The following RBM25 variants were observed in gnomAD, a reference collection of about 807,000 sequenced individuals.
RBM25 encodes the protein RNA-binding protein 25.
RBM25 carries 19 observed loss-of-function variants against 120.7 expected under a neutral mutation model. The observed-to-expected ratio is 0.16, with a 90% CI of 0.11 to 0.23. The LOEUF (loss-of-function observed/expected upper bound fraction) is 0.23. RBM25 is among the 10% of genes least tolerant of loss of function. The pLI is 1.00. For missense variants in RBM25, 605 were observed against 1,041.5 expected, an observed-to-expected ratio of 0.58 and a Z score of 5.77; for synonymous variants, 390 against 326.7, an observed-to-expected ratio of 1.19 and a Z score of -2.09.
rs781734604 is a variant in RBM25 at position 73,061,823 on chromosome 14, C to T, written c.-16+3118C>T. 1.6e-4 allele frequency among the ~76,000 whole-genome samples: 24 copies of T among 151,452 alleles called. 1 individual carries two copies. The highest frequency in any genetic ancestry group is 3.1e-4 in the Non-Finnish European group (21 of 67,586). Reference sequence around the variant, plus strand: ...TCAAAGGATCCACCTGCCTCGTCCTCCCAAAGTGCTGGGATTACAGGTATG... The same window carrying T: ...TCAAAGGATCCACCTGCCTCGTCCTTCCAAAGTGCTGGGATTACAGGTATG... On this transcript the variant is annotated intron_variant, in intron 1 of 18. Coordinates refer to ENST00000261973, the MANE Select transcript of RBM25 (RefSeq NM_021239.3).
chr14:73,121,125 G>A lies in RBM25; in HGVS notation c.*1320G>A, dbSNP rs1896533740. 6.6e-6 allele frequency: 1 copy of A among 152,102 alleles called. No homozygotes were observed. The highest frequency in any genetic ancestry group is 1.9e-4 in the East Asian group (1 of 5,190). 9.4% of individuals were successfully genotyped at this position (152,102 alleles called of 1,614,324 possible). On this transcript the variant is annotated 3_prime_UTR_variant, in exon 19 of 19. Coordinates refer to ENST00000261973, the MANE Select transcript of RBM25 (RefSeq NM_021239.3). The stretch of plus-strand genomic sequence containing the variant: ...ATTAGATGCAACTGTTCCCATGTCT[G>A]AGTACTTATTTAAAAGAAAGGTAAA...
intron 10 of RBM25, among the ~76,000 whole-genome samples, chr14:73,103,745 G>A (rs889682014): frequency 1.3e-5 from 2 of 151,870 alleles, no homozygotes; most frequent in South Asian, 2.1e-4. Context: ...GTAGAGATGG[G>A]GTTTTGCCAT....
chr14:73,087,229 T>C (rs916063046), intron 5 of RBM25, among the ~76,000 whole-genome samples: 8 of 152,322 alleles, frequency 5.3e-5, no homozygotes, highest in Admixed American at 2.6e-4. Context: ...TGACTAGTTA[T>C]AAAAGGAAAT....
chr14:73,100,501 A>G, intron 9 of RBM25: 1 of 484,372 alleles, frequency 2.1e-6, no homozygotes, highest in Non-Finnish European at 3.7e-6. Context: ...AGCTTCTCTC[A>G]ATGACAGTGC....
At chr14:73,084,001 A>G (rs1379423445) in intron 5 of RBM25, among the ~76,000 whole-genome samples, 4 of 151,266 alleles carry the variant, frequency 2.6e-5, no homozygotes, top group African/African-American at 9.7e-5. Context: ...GGGTTGGAGC[A>G]GTTCTCCTGC....
At chr14:73,066,914 T>C (rs2140422629) in intron 1 of RBM25, among the ~76,000 whole-genome samples, 1 of 152,166 alleles carries the variant, frequency 6.6e-6, no homozygotes, top group Non-Finnish European at 1.5e-5. Context: ...AAGAGTATAT[T>C]TTACTTATGA....
chr14:73,083,067 G>A (rs935281373), intron 4 of RBM25, among the ~76,000 whole-genome samples: 3 of 151,934 alleles, frequency 2.0e-5, no homozygotes, highest in Non-Finnish European at 2.9e-5. Context: ...GTGACAGAGC[G>A]AGACTCCGTC....
rs1230263947 is a variant in RBM25 at position 73,122,140 on chromosome 14, G to A, written c.*2335G>A. 6.6e-6 allele frequency: 1 copy of A among 152,100 alleles called. No individual in the cohort carries two copies. The highest frequency in any genetic ancestry group is 1.5e-5 in the Non-Finnish European group (1 of 68,012). 9.4% of individuals were successfully genotyped at this position (152,100 alleles called of 1,614,324 possible). On this transcript the variant is annotated 3_prime_UTR_variant, in exon 19 of 19. Coordinates refer to ENST00000261973, the MANE Select transcript of RBM25 (RefSeq NM_021239.3). ...ACACATAAGAAATTTCTATTAAGTT[G>A]CTTGAACTTTGTGGGTTAATTTTAC...
intron 18 of RBM25, among the ~76,000 whole-genome samples, chr14:73,117,921 A>G (rs1896469016): frequency 6.6e-6 from 1 of 152,124 alleles, no homozygotes; most frequent in African/African-American, 2.4e-5. Flanking sequence ...CATAGCAGCC[A>G]TAATGTAGAG....
At chr14:73,073,425 C>G (rs888597267) in intron 2 of RBM25, among the ~76,000 whole-genome samples, 1 of 152,198 alleles carries the variant, frequency 6.6e-6, no homozygotes, top group African/African-American at 2.4e-5. Context: ...CAGTGGCTCA[C>G]GCCTGTAACC....
At chr14:73,105,447 A>G (rs975856704) in intron 10 of RBM25, among the ~76,000 whole-genome samples, 1 of 152,220 alleles carries the variant, frequency 6.6e-6, no homozygotes, top group Non-Finnish European at 1.5e-5. Context: ...CTTGATCTCT[A>G]GTAAGCTAAA....
At chr14:73,103,901 GTCTGTCTCTCTCTCTCTCTCTC>G (rs1896106965) in intron 10 of RBM25, among the ~76,000 whole-genome samples, 1 of 71,560 alleles carries the variant, frequency 1.4e-5, no homozygotes, top group African/African-American at 6.3e-5. Context: ...CTGTCTGTCT[GTCTGTCTCTCTCTCTCTCTCTC>G]TCTCTCTCTC....
At chr14:73,073,899 TACTG>T (rs1180153203) in intron 2 of RBM25, among the ~76,000 whole-genome samples, 3 of 152,328 alleles carry the variant, frequency 2.0e-5, no homozygotes, top group African/African-American at 7.2e-5. Context: ...ATGTAACAAT[TACTG>T]ATTTTAAGTA....
chr14:73,105,986 G>C lies in RBM25; in HGVS notation c.1282G>C (p.Asp428His). 1 of 1,613,526 alleles carries C rather than the reference G, an allele frequency of 6.2e-7. No homozygotes were observed. Among genetic ancestry groups the C allele is most frequent in the Non-Finnish European group, 8.5e-7 (1 of 1,179,864 alleles). The change falls in exon 11 of 19, where the codon GAC becomes CAC. Residue 428 changes from aspartate to histidine, a missense_variant. By Grantham distance (81) the Asp-to-His change is moderately conservative. Coordinates refer to ENST00000261973, the MANE Select transcript of RBM25 (RefSeq NM_021239.3). ...GGAACGGGAGCGAGAAAGAGAAAAA[G>C]ACAAAAAACGGGACCGAGAAGAAGA... Reference protein sequence around the residue: ...EREREREREKDKKRDREEDEE... With the variant: ...EREREREREKHKKRDREEDEE...
intron 10 of RBM25, among the ~76,000 whole-genome samples, chr14:73,104,101 G>A (rs1194603737): frequency 6.6e-6 from 1 of 151,648 alleles, no homozygotes; most frequent in African/African-American, 2.4e-5. Flanking sequence ...GCCACTCAAT[G>A]TTCTGGGCAG....
chr14:73,068,093 C>A, intron 1 of RBM25: 1 of 640,654 alleles, frequency 1.6e-6, no homozygotes, highest in South Asian at 1.6e-5. Flanking sequence ...GAGCTACGAC[C>A]ACCCCAACTT....
chr14:73,117,024 G>A (rs1896442747), intron 18 of RBM25, among the ~76,000 whole-genome samples: 1 of 151,980 alleles, frequency 6.6e-6, no homozygotes, highest in African/African-American at 2.4e-5. Flanking sequence ...ATTAAATGAA[G>A]TTTGGTTGCA....
chr14:73,072,671 T>C (rs867199262), intron 2 of RBM25, among the ~76,000 whole-genome samples: 1 of 152,180 alleles, frequency 6.6e-6, no homozygotes, highest in African/African-American at 2.4e-5. Context: ...TTGCTTATGC[T>C]GGGTGTGGTG....
chr14:73,104,270 C>CT (rs1204072202), intron 10 of RBM25, among the ~76,000 whole-genome samples: 1 of 152,026 alleles, frequency 6.6e-6, no homozygotes, highest in East Asian at 1.9e-4. Flanking sequence ...ATAGCTTAAT[C>CT]TTTCTGTCTA....
Sources: gnomAD v4.1 joint callset for allele counts (sites outside exome capture counted in the v4.1 genomes callset) on GRCh38, gnomAD v4.1.1 for gene constraint, MANE v1.5 for transcripts, NCBI Gene and HGNC (gene_info 2026-07-23, HGNC 2026-07-21) for gene names.